The following CARM1 variants were observed in gnomAD, a reference collection of about 807,000 sequenced individuals.
The protein encoded by CARM1 is coactivator associated arginine methyltransferase 1, also known as histone-arginine methyltransferase CARM1.
CARM1 carries 14 observed loss-of-function variants against 72.7 expected under a neutral mutation model. The ratio of observed to expected loss-of-function variants is 0.19; its 90% CI spans 0.13 to 0.30. The LOEUF is 0.30. CARM1 is among the 10% of genes least tolerant of loss of function. The pLI, the probability that CARM1 is intolerant of heterozygous loss-of-function variation, is 1.00. For synonymous variants in CARM1, 333 were observed against 345.5 expected, an observed-to-expected ratio of 0.96 and a Z score of 0.40; for missense variants, 432 against 833.7, an observed-to-expected ratio of 0.52 and a Z score of 5.93.
chr19:10,912,802 C>T lies in CARM1; in HGVS notation c.669+508C>T, dbSNP rs2074163032. 6.6e-6 allele frequency among the ~76,000 whole-genome samples: 1 copy of T among 152,136 alleles called. No individual in the cohort carries two copies. The highest frequency in any genetic ancestry group is 2.4e-5 in the African/African-American group (1 of 41,444). ...TTCTGTCTTGCCGCCGCAGAGCACC[C>T]CTGTGCCCAGCCGTGCCGCTGTTGC... On this transcript the variant is annotated intron_variant, in intron 5 of 15. Transcript: ENST00000327064. This position sits in a 1 kb window ranked among gnomAD's most constrained non-coding sequence, Gnocchi z 4.5.
intron 2 of CARM1, among the ~76,000 whole-genome samples, chr19:10,905,809 T>C (rs981412773): frequency 6.6e-6 from 1 of 152,184 alleles, no homozygotes; most frequent in Non-Finnish European, 1.5e-5. Context: ...CTGCCATGCC[T>C]GGCTAATTTT....
At position 10,916,134 on chromosome 19, in the gene CARM1, C is replaced by T. The variant is rs2074195271; in HGVS notation, c.848-273C>T. ...CCGTGAGTCTTTGGCAGGTCCCTCA[C>T]ACCTGCCAGGTCTAGTAATAGGACA... is the stretch of plus-strand genomic sequence containing the variant. On this transcript the variant is annotated intron_variant, in intron 6 of 15. Transcript: ENST00000327064. This position sits in a 1 kb window ranked among gnomAD's most constrained non-coding sequence, Gnocchi z 4.4. 6.6e-6 allele frequency among the ~76,000 whole-genome samples: 1 copy of T among 152,222 alleles called. No individual in the cohort carries two copies. The highest frequency in any genetic ancestry group is 2.4e-5 in the African/African-American group (1 of 41,462).
In CARM1 at chr19:10,919,902, A is replaced by G. The variant is rs2074226447; in HGVS notation, c.1132A>G (p.Met378Val). 5 of 1,614,066 alleles carry G rather than the reference A, an allele frequency of 3.1e-6. No homozygotes were observed. The highest frequency in any genetic ancestry group is 4.2e-6 in the Non-Finnish European group (5 of 1,179,916). ...HRIEIPFKFH[M>V]LHSGLVHGLA... Reference sequence around the variant, plus strand: ...GATAGAAATCCCATTCAAATTCCACATGCTGCATTCAGGGCTGGTCCACGG... The same window carrying G: ...GATAGAAATCCCATTCAAATTCCACGTGCTGCATTCAGGGCTGGTCCACGG... The change falls in exon 10 of 16, where the codon ATG (methionine) becomes GTG (valine). Residue 378 changes from methionine (M) to valine (V), a missense_variant. Transcript: ENST00000327064.
At position 10,916,732 on chromosome 19, in the gene CARM1, C is replaced by T. The variant is rs534625380; in HGVS notation, c.975C>T (p.Ala325=). Residue 325 remains alanine (A), a synonymous_variant, in exon 8 of 16, where the codon GCC becomes GCT. Coordinates refer to ENST00000327064, the MANE Select transcript of CARM1 (RefSeq NM_199141.2). The surrounding 1 kb of genome is among the most constrained non-coding windows in gnomAD (Gnocchi z 4.4). ...QPSFHGVDLS[A]LRGAAVDEYF... ...CTTTCCATGGAGTGGACCTGTCGGC[C>T]CTCCGAGGTGCCGCGGTGGATGAGT... 6.4e-7 allele frequency: 1 copy of T among 1,555,628 alleles called. No individual in the cohort carries two copies. Among genetic ancestry groups the T allele is most frequent in the East Asian group, 2.4e-5 (1 of 41,532 alleles).
chr19:10,880,148 C>T (rs1208327176), intron 1 of CARM1, among the ~76,000 whole-genome samples: 1 of 152,210 alleles, frequency 6.6e-6, no homozygotes, highest in Non-Finnish European at 1.5e-5. Flanking sequence ...AGGTGTGTCT[C>T]CTTTCTGCGG....
Position 10,921,382 on chromosome 19 carries a change from G to A in CARM1, c.1623G>A (p.Thr541=), listed in dbSNP as rs776770174. 15 of 1,609,846 alleles carry A rather than the reference G, an allele frequency of 9.3e-6. No homozygotes were observed. The highest frequency in any genetic ancestry group is 3.3e-4 in the Middle Eastern group (2 of 6,056). Residue 541 remains threonine, a synonymous_variant, in exon 15 of 16, where the codon ACG becomes ACA. Coordinates refer to ENST00000327064, the MANE Select transcript of CARM1 (RefSeq NM_199141.2). ...CTCCCTCTCGCTGCGCAGCCAACAC[G>A]GGGATTGTCAATCACACCCACTCCC... ...GHNNLIPLAN[T]GIVNHTHSRM... is the part of the protein sequence containing the mutation.
At chr19:10,913,165 T>C (rs1599707384) in intron 5 of CARM1, among the ~76,000 whole-genome samples, 1 of 151,818 alleles carries the variant, frequency 6.6e-6, no homozygotes, top group African/African-American at 2.4e-5. Context: ...AGTGCAGTGG[T>C]GCGATCCTGG....
rs539661966 is a variant in CARM1 at position 10,888,846 on chromosome 19, A to C, written c.221-16105A>C. ...GGGTGCCCCGTCTCTTTTTCAGAAA[A>C]GCCAAGCTCTTTGTCTTGGCCTTCT... is the stretch of plus-strand genomic sequence containing the variant. On this transcript the variant is annotated intron_variant, in intron 1 of 15. Transcript: ENST00000327064. 8.0e-4 allele frequency among the ~76,000 whole-genome samples: 122 copies of C among 152,256 alleles called. 1 individual carries two copies. In the Middle Eastern group the frequency reaches 0.02, roughly 25 times the overall value.
intron 8 of CARM1, among the ~76,000 whole-genome samples, chr19:10,918,252 A>T (rs781113235): frequency 1.3e-5 from 2 of 149,276 alleles, no homozygotes; most frequent in African/African-American, 2.5e-5. Flanking sequence ...ACAGGATCTC[A>T]CTCTGTTCCC....
chr19:10,921,374 G>T lies in CARM1; in HGVS notation c.1616-1G>T, dbSNP rs1184497869. 1 of 1,610,510 alleles carries T rather than the reference G, an allele frequency of 6.2e-7. No homozygotes were observed. Among genetic ancestry groups the T allele is most frequent in the Non-Finnish European group, 8.5e-7 (1 of 1,179,022 alleles). ...CTTCTTTCCTCCCTCTCGCTGCGCA[G>T]CCAACACGGGGATTGTCAATCACAC... On this transcript the variant is annotated splice_acceptor_variant, in intron 14 of 15. Transcript: ENST00000327064. LOFTEE classifies it high-confidence loss of function.
At position 10,922,624 on chromosome 19, in the gene CARM1, C is replaced by T. The variant is rs1409787317; in HGVS notation, c.*867C>T. The T allele has an allele frequency of 6.6e-6, 1 of 152,260 alleles. No homozygotes were observed. The highest frequency in any genetic ancestry group is 1.5e-5 in the Non-Finnish European group (1 of 68,088). The allele number at this position is 152,260 out of a possible 1,614,324, so 9.4% of individuals were successfully genotyped here. Reference sequence around the variant, plus strand: ...AGCTAACGTTAGGCCTGAGTAGCTCCCCTCCATCCTTGTAGACGCTCCAGT... The same window carrying T: ...AGCTAACGTTAGGCCTGAGTAGCTCTCCTCCATCCTTGTAGACGCTCCAGT... On this transcript the variant is annotated 3_prime_UTR_variant, in exon 16 of 16. Coordinates refer to ENST00000327064, the MANE Select transcript of CARM1 (RefSeq NM_199141.2).
intron 1 of CARM1, among the ~76,000 whole-genome samples, chr19:10,895,968 G>A (rs547686406): frequency 7.2e-5 from 11 of 152,278 alleles, no homozygotes; most frequent in African/African-American, 2.6e-4. Flanking sequence ...ATCTTGACCG[G>A]GAGAGAGTGT....
chr19:10,881,482 C>G (rs970757126), intron 1 of CARM1, among the ~76,000 whole-genome samples: 3 of 152,136 alleles, frequency 2.0e-5, no homozygotes, highest in Non-Finnish European at 4.4e-5. Flanking sequence ...AGGCGAGAAG[C>G]TTTGAAAGGG....
At chr19:10,889,400 C>T (rs149551453) in intron 1 of CARM1, among the ~76,000 whole-genome samples, 71 of 151,992 alleles carry the variant, frequency 4.7e-4, no homozygotes, top group Middle Eastern at 6.8e-3. Flanking sequence ...CTGCAACCTC[C>T]GCCTCCCCAG....
intron 1 of CARM1, among the ~76,000 whole-genome samples, chr19:10,878,592 C>T (rs1328993725): frequency 1.3e-5 from 2 of 152,178 alleles, no homozygotes; most frequent in Admixed American, 1.3e-4. Context: ...GCAGAGATGG[C>T]TTTGGCATTC....
At chr19:10,887,635 G>A (rs1181644805) in intron 1 of CARM1, among the ~76,000 whole-genome samples, 2 of 152,116 alleles carry the variant, frequency 1.3e-5, no homozygotes, top group African/African-American at 4.8e-5. Flanking sequence ...TAGAAGCAGG[G>A]TCTTGCTTTG....
chr19:10,898,652 G>C (rs1337579791), intron 1 of CARM1, among the ~76,000 whole-genome samples: 1 of 152,240 alleles, frequency 6.6e-6, no homozygotes, highest in Non-Finnish European at 1.5e-5. Context: ...TGCGGGCAGG[G>C]CTGCATCTGT....
intron 1 of CARM1, among the ~76,000 whole-genome samples, chr19:10,875,962 G>T (rs753597463): frequency 6.6e-6 from 1 of 151,536 alleles, no homozygotes; most frequent in Non-Finnish European, 1.5e-5. Context: ...TGCCTCCCGG[G>T]TTCGAGCGAT....
chr19:10,873,628 T>TTTG (rs1194537829), intron 1 of CARM1, among the ~76,000 whole-genome samples: 26 of 73,838 alleles, frequency 3.5e-4, no homozygotes, highest in African/African-American at 1.2e-3. Flanking sequence ...AGTTTAGTTT[T>TTTG]TTTTTTTTTT....
Sources: gnomAD v4.1 joint callset for allele counts (sites outside exome capture counted in the v4.1 genomes callset) on GRCh38, gnomAD v4.1.1 for gene constraint, Gnocchi (gnomAD v3.1) non-coding constraint, MANE v1.5 for transcripts, NCBI Gene and HGNC (gene_info 2026-07-23, HGNC 2026-07-21) for gene names.